The following C3 variants were observed in gnomAD, a reference collection of about 807,000 sequenced individuals.
C3 encodes the protein complement C3, also known as C3 and PZP-like alpha-2-macroglobulin domain-containing protein 1.
In C3, 97 loss-of-function variants were observed where a neutral mutation model predicts 207.9. The ratio of observed to expected loss-of-function variants is 0.47; its 90% confidence interval spans 0.40 to 0.55. The LOEUF is 0.55. C3 is among the 20% of genes least tolerant of loss of function. The pLI, the probability that C3 is intolerant of heterozygous loss-of-function variation, is 0.00. For synonymous variants in C3, 848 were observed against 857.6 expected (o/e 0.99, Z 0.20); for missense variants, 1,684 against 2,171.7 (o/e 0.78, Z 4.46).
intron 19 of C3, among the ~76,000 whole-genome samples, 178 bp from the exon 20 acceptor site, chr19:6,697,972 G>A (rs774266214): frequency 4.0e-5 from 6 of 151,472 alleles, no homozygotes; most frequent in Middle Eastern, 3.4e-3. Flanking sequence ...GATGGTGGTG[G>A]CTGGGAGTTA....
chr19:6,686,323 C>T (rs1386028015), intron 28 of C3, 36 bp from the exon 29 acceptor site: 12 of 1,610,596 alleles, frequency 7.5e-6, no homozygotes, highest in Non-Finnish European at 1.0e-5. Context: ...GTGCTCACTG[C>T]TCTGTCCAGC....
chr19:6,700,805 ATAT>A (rs1455828542), intron 19 of C3, among the ~76,000 whole-genome samples: 1 of 85,074 alleles, frequency 1.2e-5, no homozygotes, highest in Non-Finnish European at 2.2e-5. Context: ...ATATAATTAT[ATAT>A]TATAATTATA....
At position 6,710,085 on chromosome 19, in the gene C3, G is replaced by A. The variant is rs572198252; in HGVS notation, c.1687-243C>T. ...AGACGGAGAGACAGGGAGAGAGGGA[G>A]AGAGACGGAGAGACAGAGAGAGGGA... is the stretch of plus-strand genomic sequence containing the variant. On this transcript the variant is annotated intron_variant, in intron 13 of 40. Transcript: ENST00000245907. Among the ~76,000 whole-genome samples, 246 of 146,790 alleles carry A rather than the reference G, an allele frequency of 1.7e-3. 1 individual carries two copies. The highest frequency in any genetic ancestry group is 5.9e-3 in the African/African-American group (233 of 39,354).
In C3 at chr19:6,678,133, G is replaced by C. The variant is rs1377008346; in HGVS notation, c.4850+19C>G. 2 of 1,614,178 alleles carry C rather than the reference G, an allele frequency of 1.2e-6. No individual in the cohort carries two copies. The highest frequency in any genetic ancestry group is 3.3e-5 in the Admixed American group (2 of 60,026). On this transcript the variant is annotated intron_variant, in intron 40 of 40. Transcript: ENST00000245907. ...GGGGCAGTCGGGCGGTCGCGCGCAC[G>C]CGCAGGGAAAGCACTCACTTGGGCT...
Sources: allele counts gnomAD v4.1 joint callset (sites outside exome capture counted in the v4.1 genomes callset), GRCh38; gene constraint gnomAD v4.1.1; transcripts MANE v1.5; gene names NCBI Gene and HGNC (gene_info 2026-07-23, HGNC 2026-07-21).